The following DLGAP2 variants were observed in gnomAD, a reference collection of about 807,000 sequenced individuals.
The protein encoded by DLGAP2 is disks large-associated protein 2.
Under a neutral mutation model 100.3 loss-of-function variants are expected in DLGAP2, and 26 were observed. The ratio of observed to expected loss-of-function variants is 0.26; its 90% CI spans 0.19 to 0.36. DLGAP2 has a LOEUF of 0.36. DLGAP2 is among the 10% of genes least tolerant of loss of function. DLGAP2 has a pLI of 1.00. For synonymous variants in DLGAP2, 886 were observed against 630.1 expected, an observed-to-expected ratio of 1.41 and a Z score of -6.08; for missense variants, 1,858 against 1,453.2, an observed-to-expected ratio of 1.28 and a Z score of -4.53.
chr8:1,138,196 C>A (rs937181115), intron 2 of DLGAP2, among the ~76,000 whole-genome samples: 2 of 152,220 alleles, frequency 1.3e-5, no homozygotes, highest in African/African-American at 4.8e-5. Context: ...CTTTGGAAAG[C>A]GCAGCTCCTG....
intron 2 of DLGAP2, among the ~76,000 whole-genome samples, chr8:1,210,918 C>G (rs924322161): frequency 6.8e-6 from 1 of 147,486 alleles, no homozygotes; most frequent in African/African-American, 2.4e-5. Context: ...GGACGCTGCC[C>G]TTCTGCCCAG....
intron 3 of DLGAP2, among the ~76,000 whole-genome samples, chr8:1,450,568 C>G (rs1187623002): frequency 6.6e-6 from 1 of 152,004 alleles, no homozygotes; most frequent in East Asian, 1.9e-4. Flanking sequence ...CAGGACTCGC[C>G]TTTCTGTGAA....
At chr8:1,481,099 G>C (rs531475744) in intron 3 of DLGAP2, among the ~76,000 whole-genome samples, 1 of 152,070 alleles carries the variant, frequency 6.6e-6, no homozygotes, top group African/African-American at 2.4e-5. Flanking sequence ...GTGAACCTGG[G>C]AGGCGGAGCT....
chr8:921,594 T>C (rs1798716811), intron 2 of DLGAP2, among the ~76,000 whole-genome samples: 2 of 152,368 alleles, frequency 1.3e-5, no homozygotes, highest in African/African-American at 2.4e-5. Context: ...ATTGTCCTGG[T>C]CCCGTGTCCC....
intron 3 of DLGAP2, among the ~76,000 whole-genome samples, chr8:1,294,318 C>T (rs1388729670): frequency 6.6e-6 from 1 of 152,178 alleles, no homozygotes; most frequent in Admixed American, 6.5e-5. Flanking sequence ...ATGCCATGTT[C>T]ACATTAGAAC....
intron 6 of DLGAP2, among the ~76,000 whole-genome samples, chr8:1,623,623 C>A (rs111900412): frequency 3.3e-5 from 4 of 122,062 alleles, no homozygotes; most frequent in Non-Finnish European, 5.2e-5. Flanking sequence ...ATGACGTGGC[C>A]CCAGTGTGCC....
At chr8:1,104,608 T>A (rs993133078) in intron 2 of DLGAP2, among the ~76,000 whole-genome samples, 8 of 152,152 alleles carry the variant, frequency 5.3e-5, no homozygotes, top group African/African-American at 1.7e-4. Context: ...TGACTCTGTC[T>A]CATTTAATCC....
At chr8:1,168,085 C>T (rs1189145974) in intron 2 of DLGAP2, among the ~76,000 whole-genome samples, 1 of 138,730 alleles carries the variant, frequency 7.2e-6, no homozygotes, top group African/African-American at 2.7e-5. Context: ...CCTGTGTCCA[C>T]GTGTTCTCAT....
At position 1,703,631 on chromosome 8, in the gene DLGAP2, T is replaced by TA. The variant is rs565400688; in HGVS notation, c.*2226dup. On this transcript the variant is annotated 3_prime_UTR_variant, in exon 15 of 15. Transcript: ENST00000637795. ...CATTGGTCTATCTACTGGCAGCTGA[T>TA]ACGTTTAACTCATTTCCTTGAGCTT... 14 of 152,226 alleles carry TA rather than the reference T, an allele frequency of 9.2e-5. No homozygotes were observed. Among genetic ancestry groups the TA allele is most frequent in the Non-Finnish European group, 1.9e-4 (13 of 68,038 alleles). The allele number at this position is 152,226 out of a possible 1,614,324, so 9.4% of individuals were successfully genotyped here.
At chr8:1,180,473 C>T (rs4620310) in intron 2 of DLGAP2, among the ~76,000 whole-genome samples, 70,374 of 152,212 alleles carry the variant, frequency 0.46, 18,612 homozygotes, top group Admixed American at 0.61. Context: ...GGATCTCAGG[C>T]AGGAGCCACC....
intron 2 of DLGAP2, among the ~76,000 whole-genome samples, chr8:1,004,493 C>G (rs781143181): frequency 6.6e-6 from 1 of 152,174 alleles, no homozygotes; most frequent in Non-Finnish European, 1.5e-5. Flanking sequence ...AAAATAGAGT[C>G]GGCCACAATC....
At chr8:1,556,254 G>A (rs180764932) in intron 5 of DLGAP2, among the ~76,000 whole-genome samples, 1 of 152,166 alleles carries the variant, frequency 6.6e-6, no homozygotes, top group Non-Finnish European at 1.5e-5. Context: ...AGGTAGATGG[G>A]GTCCGGCTCT....
intron 3 of DLGAP2, among the ~76,000 whole-genome samples, chr8:1,412,303 C>A (rs1796753238): frequency 6.6e-6 from 1 of 152,222 alleles, no homozygotes; most frequent in Non-Finnish European, 1.5e-5. Flanking sequence ...CCTCCCTAGC[C>A]TTCTGAGGCT....
chr8:834,111 C>T (rs1027657465), intron 1 of DLGAP2, among the ~76,000 whole-genome samples: 6 of 152,166 alleles, frequency 3.9e-5, no homozygotes, highest in African/African-American at 7.2e-5. Context: ...GGCAACTCAG[C>T]GTTGCCTAGT....
At chr8:1,645,410 G>T (rs770875257) in intron 8 of DLGAP2, among the ~76,000 whole-genome samples, 2 of 152,194 alleles carry the variant, frequency 1.3e-5, no homozygotes, top group African/African-American at 2.4e-5. Context: ...AGCTTATTAG[G>T]AGTAGGCTGG....
intron 3 of DLGAP2, among the ~76,000 whole-genome samples, chr8:1,328,015 CTG>C (rs1801061494): frequency 6.6e-6 from 1 of 152,176 alleles, no homozygotes; most frequent in East Asian, 1.9e-4. Flanking sequence ...GAGGCTGAGA[CTG>C]TGTTTCTGTA....
chr8:924,692 C>T (rs1798778076), intron 2 of DLGAP2, among the ~76,000 whole-genome samples: 2 of 151,932 alleles, frequency 1.3e-5, no homozygotes, highest in East Asian at 1.9e-4. Flanking sequence ...AAGGGATTTT[C>T]CTGCCTCAGC....
At chr8:1,176,391 A>G (rs1409131783) in intron 2 of DLGAP2, among the ~76,000 whole-genome samples, 1 of 88,498 alleles carries the variant, frequency 1.1e-5, no homozygotes, top group Non-Finnish European at 2.5e-5. Context: ...AAACCATATC[A>G]CCAGAGTTTC....
At chr8:875,097 A>G (rs528663927) in intron 1 of DLGAP2, among the ~76,000 whole-genome samples, 28 of 152,168 alleles carry the variant, frequency 1.8e-4, no homozygotes, top group Non-Finnish European at 3.5e-4. Flanking sequence ...AGCATAATAT[A>G]TTTTTCTATC....
Sources: allele counts gnomAD v4.1 joint callset (sites outside exome capture counted in the v4.1 genomes callset), GRCh38; gene constraint gnomAD v4.1.1; transcripts MANE v1.5; gene names NCBI Gene and HGNC (gene_info 2026-07-23, HGNC 2026-07-21).